The following PHYKPL variants were observed in gnomAD, a reference collection of about 807,000 sequenced individuals.
The protein encoded by PHYKPL is 5-phosphonooxy-L-lysine phospho-lyase.
A neutral mutation model predicts 51.3 loss-of-function variants in PHYKPL; 42 were observed. That is an observed-to-expected ratio of 0.82 (90% CI 0.64 to 1.06). The LOEUF is 1.06. Ranked by LOEUF, PHYKPL falls within the 50% of genes least tolerant of loss-of-function variation. The pLI is 0.00. For missense variants in PHYKPL, 655 were observed against 586.6 expected (o/e 1.12, Z -1.20); for synonymous variants, 264 against 236.0 (o/e 1.12, Z -1.09).
chr5:178,220,286 G>A (rs1581279339), intron 8 of PHYKPL, among the ~76,000 whole-genome samples: 1 of 151,390 alleles, frequency 6.6e-6, no homozygotes, highest in Non-Finnish European at 1.5e-5. Flanking sequence ...ATTACCTGAG[G>A]TCAGGAGTTC....
rs751577120 is a variant in PHYKPL, at chr5:178,225,447, G to T, written c.339-18C>A. On this transcript the variant is annotated intron_variant, in intron 3 of 12. Transcript: ENST00000308158. ...CTTCTGACCTATGACCGAAAAGGTG[G>T]GCATGACTGAGAGAGTAGTCTAAGA... The T allele has an allele frequency of 1.9e-6, 3 of 1,613,970 alleles. No homozygotes were observed. In the South Asian group the frequency reaches 3.3e-5, roughly 18 times the overall value.
Position 178,229,196 on chromosome 5 carries a change from T to G in PHYKPL, c.338+744A>C, listed in dbSNP as rs1405475806. On this transcript the variant is annotated intron_variant, in intron 3 of 12. Transcript: ENST00000308158. ...ATTTTGGCTCACTGCAACCTCCGCC[T>G]CCCGGTTCAAGCGATTCTCCTGCCC... 1.7e-4 allele frequency among the ~76,000 whole-genome samples: 25 copies of G among 148,092 alleles called. No individual in the cohort carries two copies. The Admixed American group carries it at 1.7e-3, about 10-fold the overall frequency.
At chr5:178,228,265 G>A in intron 3 of PHYKPL, 2 of 467,864 alleles carry the variant, frequency 4.3e-6, no homozygotes, top group Non-Finnish European at 7.7e-6. Flanking sequence ...AATCAGCAAA[G>A]AAGACAGGGA....
At chr5:178,210,806 G>A in intron 12 of PHYKPL, 1 of 615,654 alleles carries the variant, frequency 1.6e-6, no homozygotes, top group Non-Finnish European at 2.9e-6. Flanking sequence ...AGGTGTTTAG[G>A]CAGCGTGTGG....
intron 4 of PHYKPL, chr5:178,225,083 G>A: frequency 1.8e-6 from 1 of 569,454 alleles, no homozygotes; most frequent in Non-Finnish European, 3.1e-6. Flanking sequence ...AGCTACTGCT[G>A]GAGTAGTTTG....
intron 3 of PHYKPL, 86 bp downstream of exon 3, chr5:178,229,854 T>C: frequency 6.6e-7 from 1 of 1,519,752 alleles, no homozygotes; most frequent in Non-Finnish European, 8.9e-7. Context: ...CCACACTCGG[T>C]CAGCTACACT....
At chr5:178,228,311 G>A in intron 3 of PHYKPL, 1 of 555,816 alleles carries the variant, frequency 1.8e-6, no homozygotes, top group East Asian at 3.0e-5. Flanking sequence ...AAACAGGAGA[G>A]CACAGTGCCC....
At position 178,214,884 on chromosome 5, in the gene PHYKPL, C is replaced by T; in HGVS notation, c.1084G>A (p.Gly362Ser). The part of the protein sequence containing the change: ...IKHPIVGDVR[G>S]VGLFIGVDLI... Reference sequence around the variant, plus strand: ...TCCACACCAATGAAGAGCCCAACACCCCTGCAAGGGAAGGTGACGACATCT... The same window carrying T: ...TCCACACCAATGAAGAGCCCAACACTCCTGCAAGGGAAGGTGACGACATCT... Residue 362 changes from glycine to serine, a missense_variant and splice_region_variant, in exon 10 of 13, where the codon GGT becomes AGT. Coordinates refer to ENST00000308158, the MANE Select transcript of PHYKPL (RefSeq NM_153373.4). 6.2e-7 allele frequency: 1 copy of T among 1,613,354 alleles called. No individual in the cohort carries two copies. The highest frequency in any genetic ancestry group is 1.7e-5 in the Admixed American group (1 of 60,018).
chr5:178,232,708 G>T lies in PHYKPL; in HGVS notation c.-158C>A. On this transcript the variant is annotated 5_prime_UTR_variant, in exon 1 of 13. Transcript: ENST00000308158. ...GCCCCGAAGCGCCCGCGTTGCGGTG[G>T]TTCATTTCTTCGCTTGCCCACTGGG... 1 of 829,986 alleles carries T rather than the reference G, an allele frequency of 1.2e-6. No homozygotes were observed. The highest frequency in any genetic ancestry group is 1.6e-6 in the Non-Finnish European group (1 of 626,476). The allele number at this position is 829,986 out of a possible 1,614,324, so 51.4% of individuals were successfully genotyped here. A position where few individuals can be genotyped will look rare whatever the true frequency, so the allele number is the denominator to read the frequency against.
downstream of PHYKPL, among the ~76,000 whole-genome samples, chr5:178,207,538 C>T (rs753233963): frequency 8.6e-5 from 13 of 152,040 alleles, no homozygotes; most frequent in Non-Finnish European, 1.9e-4. Flanking sequence ...ATTCTTGAGT[C>T]CAGGGGTATG....
chr5:178,224,075 C>CCCTG (rs1761770446), intron 6 of PHYKPL: 1 of 221,662 alleles, frequency 4.5e-6, no homozygotes, highest in South Asian at 8.0e-5. Flanking sequence ...GGCATGTGGA[C>CCCTG]CCTGCCTGCC....
At chr5:178,224,091 AG>A in intron 6 of PHYKPL, 1 of 234,604 alleles carries the variant, frequency 4.3e-6, no homozygotes, top group Non-Finnish European at 8.3e-6. Context: ...CTGCCTCTCC[AG>A]GATCAGCTCC....
chr5:178,215,868 C>A, intron 8 of PHYKPL: 2 of 159,182 alleles, frequency 1.3e-5, no homozygotes, highest in Admixed American at 6.4e-5. Context: ...CCCTGGAGGG[C>A]TCTGGCTCCT....
Position 178,215,316 on chromosome 5 carries a change from C to G in PHYKPL, c.1042G>C (p.Gly348Arg). The change falls in exon 9 of 13, where the codon GGG (glycine) becomes CGG (arginine). Residue 348 changes from glycine to arginine, a missense_variant. Transcript: ENST00000308158. ...SVGSFLMQLLGQQKIKHPIVG... is the reference protein window; with the variant it reads ...SVGSFLMQLLRQQKIKHPIVG... ...ATGGGATGTTTGATTTTTTGCTGCC[C>G]GAGGAGCTGCATCAGGAAGCTGCCT... The G allele has an allele frequency of 6.2e-7, 1 of 1,613,992 alleles. No homozygotes were observed. Among genetic ancestry groups the G allele is most frequent in the Non-Finnish European group, 8.5e-7 (1 of 1,179,966 alleles).
chr5:178,226,643 A>G (rs1295102448), intron 3 of PHYKPL: 1 of 152,134 alleles, frequency 6.6e-6, no homozygotes, highest in Non-Finnish European at 1.5e-5. Context: ...CTTGGTTTTT[A>G]TGGAAGCTTC....
Position 178,214,868 on chromosome 5 carries a change from A to C in PHYKPL, c.1100T>G (p.Ile367Ser). Reference sequence around the variant, plus strand: ...CTCATCTTTGATCAGATCCACACCAATGAAGAGCCCAACACCCCTGCAAGG... The same window carrying C: ...CTCATCTTTGATCAGATCCACACCACTGAAGAGCCCAACACCCCTGCAAGG... The part of the protein sequence containing the change: ...VGDVRGVGLF[I>S]GVDLIKDEAT... The change falls in exon 10 of 13, where the codon ATT becomes AGT. Residue 367 changes from isoleucine to serine, a missense_variant. Coordinates refer to ENST00000308158, the MANE Select transcript of PHYKPL (RefSeq NM_153373.4). 2 of 1,613,600 alleles carry C rather than the reference A, an allele frequency of 1.2e-6. No homozygotes were observed.
Position 178,231,262 on chromosome 5 carries a change from A to G in PHYKPL, c.178+143T>C, listed in dbSNP as rs372674218. ...GCAGAATTCCACAGCTATATTGCGA[A>G]GGCTGAGCCTCCTCTGCATACTGAC... On this transcript the variant is annotated intron_variant, in intron 2 of 12. Coordinates refer to ENST00000308158, the MANE Select transcript of PHYKPL (RefSeq NM_153373.4). 818 of 1,378,282 alleles carry G rather than the reference A, an allele frequency of 5.9e-4. 3 individuals carry two copies. In the African/African-American group the frequency reaches 9.1e-3, roughly 15 times the overall value. 85.4% of individuals were successfully genotyped at this position (1,378,282 alleles called of 1,614,324 possible).
intron 1 of PHYKPL, 177 bp downstream of exon 1, chr5:178,232,315 G>A: frequency 1.6e-6 from 2 of 1,264,800 alleles, no homozygotes; most frequent in Non-Finnish European, 2.0e-6. Flanking sequence ...GCCCAACGGC[G>A]CCGCCCGCCT....
intron 12 of PHYKPL, 46 bp downstream of exon 12, chr5:178,211,844 G>A: frequency 3.5e-6 from 5 of 1,432,304 alleles, no homozygotes; most frequent in Non-Finnish European, 4.9e-6. Context: ...CTGATGGTAA[G>A]GAACCCGCTG....
Sources: gnomAD v4.1 joint callset for allele counts (sites outside exome capture counted in the v4.1 genomes callset) on GRCh38, gnomAD v4.1.1 for gene constraint, MANE v1.5 for transcripts, NCBI Gene and HGNC (gene_info 2026-07-23, HGNC 2026-07-21) for gene names.